Variants in ECE1 observed in about 807,000 individuals in gnomAD.
ECE1 encodes the protein endothelin-converting enzyme 1.
A neutral mutation model predicts 98.6 loss-of-function variants in ECE1; 35 were observed. That is an observed-to-expected ratio of 0.35 (90% CI 0.27 to 0.47). The LOEUF is 0.47. ECE1 is among the 20% of genes least tolerant of loss of function. The pLI is 1.00. For missense variants in ECE1, 814 were observed against 1,025.3 expected, an observed-to-expected ratio of 0.79 and a Z score of 2.81; for synonymous variants, 394 against 407.1, an observed-to-expected ratio of 0.97 and a Z score of 0.39.
intron 1 of ECE1, among the ~76,000 whole-genome samples, chr1:21,334,638 A>T (rs750680780): frequency 5.3e-5 from 8 of 152,006 alleles, no homozygotes; most frequent in Non-Finnish European, 1.0e-4. Flanking sequence ...GGAACTGGTC[A>T]CTCTGGGAGA....
intron 3 of ECE1, among the ~76,000 whole-genome samples, chr1:21,273,156 A>C (rs972732067): frequency 3.9e-5 from 6 of 152,254 alleles, no homozygotes; most frequent in Non-Finnish European, 7.3e-5. Context: ...TGTTTCTCTT[A>C]ATCAACCTTC....
Position 21,260,526 on chromosome 1 carries a change from G to T in ECE1, c.494-134C>A. 1 of 1,178,800 alleles carries T rather than the reference G, an allele frequency of 8.5e-7. No homozygotes were observed. The highest frequency in any genetic ancestry group is 1.3e-6 in the Non-Finnish European group (1 of 798,516). 73.0% of individuals were successfully genotyped at this position (1,178,800 alleles called of 1,614,324 possible). On this transcript the variant is annotated intron_variant, in intron 4 of 18. Transcript: ENST00000374893. This position sits in a 1 kb window ranked among gnomAD's most constrained non-coding sequence, Gnocchi z 4.3. ...CTGACATCTGCCTGTCGGAGTGGCAGTGAGGAATGCCGTCACCGTGAGTAT... is the reference window on the plus strand; with the variant it reads ...CTGACATCTGCCTGTCGGAGTGGCATTGAGGAATGCCGTCACCGTGAGTAT...
At chr1:21,251,993 A>C (rs926494650) in intron 8 of ECE1, among the ~76,000 whole-genome samples, 11 of 152,218 alleles carry the variant, frequency 7.2e-5, no homozygotes, top group African/African-American at 2.2e-4. Context: ...ATCCTCAAAT[A>C]GGGTTCCACC....
At chr1:21,227,748 C>T (rs1014741822) in intron 15 of ECE1, among the ~76,000 whole-genome samples, 183 bp downstream of exon 15, 8 of 152,130 alleles carry the variant, frequency 5.3e-5, no homozygotes, top group Non-Finnish European at 1.0e-4. Context: ...CTGTGCAGGG[C>T]TTCCAGATCT....
At chr1:21,222,754 A>G (rs1460446080) in intron 17 of ECE1, among the ~76,000 whole-genome samples, 4 of 148,980 alleles carry the variant, frequency 2.7e-5, no homozygotes, top group Non-Finnish European at 5.9e-5. Flanking sequence ...AGGCAGGAGA[A>G]TCACTTGAAC....
intron 3 of ECE1, among the ~76,000 whole-genome samples, chr1:21,277,266 G>T (rs1366793346): frequency 6.6e-6 from 1 of 152,228 alleles, no homozygotes; most frequent in Admixed American, 6.5e-5. Flanking sequence ...CTCCCAAGGG[G>T]CCCCACTGGG....
intron 1 of ECE1, among the ~76,000 whole-genome samples, chr1:21,320,439 T>G (rs1638939583): frequency 6.6e-6 from 1 of 152,156 alleles, no homozygotes. Flanking sequence ...TTTAATACTG[T>G]TTTATGAGTA....
upstream of ECE1, among the ~76,000 whole-genome samples, chr1:21,292,323 C>T (rs1209498048): frequency 6.6e-6 from 1 of 150,848 alleles, no homozygotes; most frequent in Non-Finnish European, 1.5e-5. Flanking sequence ...AACCTCCTCA[C>T]ACAACTCCTC....
chr1:21,341,086 T>TGCTAAAGGAGCC (rs1639389416), intron 1 of ECE1, among the ~76,000 whole-genome samples: 1 of 150,944 alleles, frequency 6.6e-6, no homozygotes, highest in African/African-American at 2.4e-5. Context: ...TAGGTTATGA[T>TGCTAAAGGAGCC]TTTAATGCCA....
chr1:21,334,358 C>T (rs1569782990), intron 1 of ECE1, among the ~76,000 whole-genome samples: 1 of 152,222 alleles, frequency 6.6e-6, no homozygotes, highest in East Asian at 1.9e-4. Context: ...ACCCACTGAA[C>T]ACTCAGGGGC....
intron 10 of ECE1, among the ~76,000 whole-genome samples, chr1:21,241,197 C>T (rs1019741236): frequency 1.3e-5 from 2 of 150,732 alleles, no homozygotes; most frequent in Admixed American, 6.6e-5. Context: ...CCACTACCCC[C>T]GGTAATTTTT....
chr1:21,231,100 T>C (rs1208759550), intron 14 of ECE1, among the ~76,000 whole-genome samples: 1 of 152,122 alleles, frequency 6.6e-6, no homozygotes, highest in East Asian at 1.9e-4. Context: ...AGTGCTGGGA[T>C]TACAGACGTG....
intron 1 of ECE1, among the ~76,000 whole-genome samples, chr1:21,311,024 C>T (rs1326305805): frequency 6.6e-6 from 1 of 152,226 alleles, no homozygotes; most frequent in Non-Finnish European, 1.5e-5. Flanking sequence ...AAAGCTGGAC[C>T]TACATTCAAA....
At chr1:21,244,545 G>A (rs562444777) in intron 10 of ECE1, among the ~76,000 whole-genome samples, 145 of 152,296 alleles carry the variant, frequency 9.5e-4, no homozygotes, top group African/African-American at 3.3e-3. Context: ...AGGGCTCCTG[G>A]CAGGGGCATT....
rs1389058689 is a variant in ECE1, at chr1:21,319,735, G to A, written c.3+25641C>T. Among the ~76,000 whole-genome samples, 1 of 152,180 alleles carries A rather than the reference G, an allele frequency of 6.6e-6. No individual in the cohort carries two copies. Among genetic ancestry groups the A allele is most frequent in the Non-Finnish European group, 1.5e-5 (1 of 68,034 alleles). The stretch of plus-strand genomic sequence containing the variant: ...CAGGCACCGGGAGGCACGGCTCACT[G>A]TTCCCTAGTTTGTCTTGGTCCCCCA... On this transcript the variant is annotated intron_variant, in intron 1 of 18. Transcript: ENST00000415912. The surrounding 1 kb of genome is among the most constrained non-coding windows in gnomAD (Gnocchi z 4.4).
At chr1:21,240,274 G>A (rs1009521553) in intron 10 of ECE1, among the ~76,000 whole-genome samples, 10 of 152,020 alleles carry the variant, frequency 6.6e-5, no homozygotes, top group Non-Finnish European at 1.3e-4. Context: ...ATCCCCTGAG[G>A]TCAGGAGTTC....
chr1:21,259,186 A>C (rs965643763), intron 5 of ECE1, among the ~76,000 whole-genome samples: 1 of 152,204 alleles, frequency 6.6e-6, no homozygotes, highest in African/African-American at 2.4e-5. Flanking sequence ...CATAAATTCA[A>C]TTGTGCCTCT....
intron 1 of ECE1, among the ~76,000 whole-genome samples, chr1:21,339,892 A>G: frequency 6.6e-6 from 1 of 152,086 alleles, no homozygotes; most frequent in Non-Finnish European, 1.5e-5. Context: ...TCAGGGGCCC[A>G]AGGAAAGGGC....
chr1:21,242,126 C>T (rs887498452), intron 10 of ECE1, among the ~76,000 whole-genome samples: 6 of 152,308 alleles, frequency 3.9e-5, no homozygotes, highest in South Asian at 2.1e-4. Context: ...GGGATCCCCT[C>T]GTCTAATCTT....
Sources: allele counts gnomAD v4.1 joint callset (sites outside exome capture counted in the v4.1 genomes callset), GRCh38; gene constraint gnomAD v4.1.1; non-coding constraint Gnocchi (gnomAD v3.1); transcripts MANE v1.5; gene names NCBI Gene and HGNC (gene_info 2026-07-23, HGNC 2026-07-21).